The following CRYGN variants were observed in gnomAD, a reference collection of about 807,000 sequenced individuals.
The protein encoded by CRYGN is crystallin gamma N.
CRYGN carries 17 observed loss-of-function variants against 19.2 expected under a neutral mutation model. The ratio of observed to expected loss-of-function variants is 0.89; its 90% CI spans 0.61 to 1.33. The LOEUF is 1.33. CRYGN is among the 40% of genes most tolerant of loss of function. The pLI is 0.00. For synonymous variants in CRYGN, 84 were observed against 85.8 expected (o/e 0.98, Z 0.12); for missense variants, 239 against 239.6 (o/e 1.00, Z 0.02).
In CRYGN at chr7:151,432,183, C is replaced by T; in HGVS notation, c.417-2003G>A. ...AGTTGACCACCTTGTGGAGCGACTG[C>T]ACTCGTGCGCTGTGGGCCTCCCAGT... On this transcript the variant is annotated intron_variant, in intron 3 of 3. Coordinates refer to ENST00000337323, the MANE Select transcript of CRYGN (RefSeq NM_144727.3). 6.5e-6 allele frequency: 8 copies of T among 1,231,882 alleles called. No homozygotes were observed. In the South Asian group the frequency reaches 2.1e-4, roughly 32 times the overall value. 76.3% of individuals were successfully genotyped at this position (1,231,882 alleles called of 1,614,324 possible).
chr7:151,432,331 C>G, intron 3 of CRYGN: 1 of 1,093,558 alleles, frequency 9.1e-7, no homozygotes, highest in East Asian at 3.2e-5. Flanking sequence ...GGAAGTCCCC[C>G]GGGACTCCGG....
At chr7:151,437,789 C>G (rs1801653538) in intron 2 of CRYGN, 2 of 1,430,248 alleles carry the variant, frequency 1.4e-6, no homozygotes, top group African/African-American at 2.9e-5. Context: ...TATGAAAACT[C>G]AGGGCCACTC....
At position 151,436,290 on chromosome 7, in the gene CRYGN, A is replaced by G. The variant is rs1251008630; in HGVS notation, c.306T>C (p.Gly102=). Residue 102 remains glycine, a synonymous_variant, in exon 3 of 4, where the codon GGT becomes GGC. Transcript: ENST00000337323. This position sits in a 1 kb window ranked among gnomAD's most constrained non-coding sequence, Gnocchi z 5.1. The part of the protein sequence containing the change: ...GEHFRLEIFE[G]CNFTGQCLEF... ...CCAGGCACTGGCCCGTGAAGTTGCA[A>G]CCCTCGAAGATTTCTAGGCGGAAAT... The G allele has an allele frequency of 1.9e-6, 3 of 1,592,300 alleles. No homozygotes were observed. Among genetic ancestry groups the G allele is most frequent in the Non-Finnish European group, 2.6e-6 (3 of 1,169,630 alleles).
intron 1 of CRYGN, among the ~76,000 whole-genome samples, 177 bp from the exon 2 acceptor site, chr7:151,438,421 C>T (rs1801677943): frequency 6.6e-6 from 1 of 152,194 alleles, no homozygotes; most frequent in Non-Finnish European, 1.5e-5. Flanking sequence ...AAAGAACGAA[C>T]AGCTGGCAGG....
At position 151,433,963 on chromosome 7, in the gene CRYGN, A is replaced by T. The variant is rs1381647093; in HGVS notation, c.416+2217T>A. 2.0e-5 allele frequency among the ~76,000 whole-genome samples: 3 copies of T among 151,660 alleles called. No homozygotes were observed. Among genetic ancestry groups the T allele is most frequent in the Non-Finnish European group, 4.4e-5 (3 of 67,894 alleles). On this transcript the variant is annotated intron_variant, in intron 3 of 3. Transcript: ENST00000337323. This position sits in a 1 kb window ranked among gnomAD's most constrained non-coding sequence, Gnocchi z 5.1. ...GAGAGCCCACCAGGACACGGGTCTG[A>T]GGGGATGGGTCATGCCTGGGCTGAT...
chr7:151,438,076 A>T lies in CRYGN; in HGVS notation c.190T>A (p.Leu64Met). The T allele has an allele frequency of 1.2e-6, 2 of 1,614,150 alleles. No homozygotes were observed. The highest frequency in any genetic ancestry group is 8.5e-7 in the Non-Finnish European group (1 of 1,180,022). ...HPDFRGQQFI[L>M]EHGDYPDFFR... The stretch of plus-strand genomic sequence containing the variant: ...AAGTCGGGGTAGTCGCCGTGCTCCA[A>T]GATGAACTGCTGGCCCCGGAAGTCG... The change falls in exon 2 of 4, where the codon TTG becomes ATG. Residue 64 changes from leucine to methionine, a missense_variant. Coordinates refer to ENST00000337323, the MANE Select transcript of CRYGN (RefSeq NM_144727.3).
In CRYGN at chr7:151,436,223, C is replaced by T. The variant is rs764293206; in HGVS notation, c.373G>A (p.Val125Ile). The T allele has an allele frequency of 6.3e-7, 1 of 1,593,798 alleles. No homozygotes were observed. The highest frequency in any genetic ancestry group is 8.6e-7 in the Non-Finnish European group (1 of 1,169,556). Reference sequence around the variant, plus strand: ...TTGATGGTGTTCACACAGTTCTTGACCCAGCCCCTGCTCTGGAGGAAGGGG... The same window carrying T: ...TTGATGGTGTTCACACAGTTCTTGATCCAGCCCCTGCTCTGGAGGAAGGGG... ...DSPFLQSRGW[V>I]KNCVNTIKVY... Residue 125 changes from valine (V) to isoleucine (I), a missense_variant, in exon 3 of 4, where the codon GTC becomes ATC. Physicochemically the swap from Val to Ile is conservative, Grantham distance 29. Transcript: ENST00000337323. This position sits in a 1 kb window ranked among gnomAD's most constrained non-coding sequence, Gnocchi z 5.1.
In CRYGN at chr7:151,430,010, ACGGTGCAGGTGCATTTACATG is replaced by A; in HGVS notation, c.*17_*37del. 1.2e-6 allele frequency: 1 copy of A among 817,786 alleles called. No homozygotes were observed. Among genetic ancestry groups the A allele is most frequent in the Admixed American group, 1.7e-5 (1 of 58,826 alleles). 50.7% of individuals were successfully genotyped at this position (817,786 alleles called of 1,614,324 possible). A position where few individuals can be genotyped will look rare whatever the true frequency, so the allele number is the denominator to read the frequency against. On this transcript the variant is annotated 3_prime_UTR_variant, in exon 4 of 4. Coordinates refer to ENST00000337323, the MANE Select transcript of CRYGN (RefSeq NM_144727.3). This position sits in a 1 kb window ranked among gnomAD's most constrained non-coding sequence, Gnocchi z 5.2. Reference sequence around the variant, plus strand: ...AAGTAAACACTCTCCCGGCTCAGAAACGGTGCAGGTGCATTTACATGTCAATCGGTTCCAGGCTCAGAGGTT... The same window carrying A: ...AAGTAAACACTCTCCCGGCTCAGAAATCAATCGGTTCCAGGCTCAGAGGTT...
In CRYGN at chr7:151,431,167, C is replaced by A. The variant is rs1032264544; in HGVS notation, c.417-987G>T. On this transcript the variant is annotated intron_variant, in intron 3 of 3. Transcript: ENST00000337323. The surrounding 1 kb of genome is among the most constrained non-coding windows in gnomAD (Gnocchi z 4.8). The stretch of plus-strand genomic sequence containing the variant: ...CAGGACTCTGCTGGAGGGCTGCCGG[C>A]AGCAGGGAGTTACCTGGGCCACCCC... 6.6e-6 allele frequency among the ~76,000 whole-genome samples: 1 copy of A among 152,182 alleles called. No homozygotes were observed.
chr7:151,438,186 C>G lies in CRYGN; in HGVS notation c.80G>C (p.Cys27Ser), dbSNP rs533978532. The G allele has an allele frequency of 8.7e-6, 14 of 1,614,032 alleles. No homozygotes were observed. Among genetic ancestry groups the G allele is most frequent in the African/African-American group, 4.0e-5 (3 of 74,938 alleles). ...AAAGCCCCGGTCCTGGAAGTTGTCA[C>G]AGTCCCCGAAGACCTCCAGCTTCTG... ...TGQKLEVFGD[C>S]DNFQDRGFMN... The change falls in exon 2 of 4, where the codon TGT (cysteine) becomes TCT (serine). Residue 27 changes from cysteine (C) to serine (S), a missense_variant. Cys to Ser is a moderately radical substitution (Grantham distance 112). Coordinates refer to ENST00000337323, the MANE Select transcript of CRYGN (RefSeq NM_144727.3).
At position 151,430,947 on chromosome 7, in the gene CRYGN, C is replaced by A. The variant is rs987531557; in HGVS notation, c.417-767G>T. Among the ~76,000 whole-genome samples, 1 of 152,322 alleles carries A rather than the reference C, an allele frequency of 6.6e-6. No individual in the cohort carries two copies. Among genetic ancestry groups the A allele is most frequent in the South Asian group, 2.1e-4 (1 of 4,834 alleles). On this transcript the variant is annotated intron_variant, in intron 3 of 3. Coordinates refer to ENST00000337323, the MANE Select transcript of CRYGN (RefSeq NM_144727.3). This position sits in a 1 kb window ranked among gnomAD's most constrained non-coding sequence, Gnocchi z 5.2. ...GATCCAACCCATGCACCTGGCCCCC[C>A]ACTGATCCCTCATCCAGCCAGGCCT...
Position 151,430,780 on chromosome 7 carries a change from G to A in CRYGN, c.417-600C>T, listed in dbSNP as rs1801445595. On this transcript the variant is annotated intron_variant, in intron 3 of 3. Transcript: ENST00000337323. This position sits in a 1 kb window ranked among gnomAD's most constrained non-coding sequence, Gnocchi z 5.2. ...CCCTCCATCTACTCAGAAAACTGGA[G>A]TAAGATGTATGGTGAGGAGGACCCG... 6.6e-6 allele frequency among the ~76,000 whole-genome samples: 1 copy of A among 152,222 alleles called. No homozygotes were observed. The highest frequency in any genetic ancestry group is 1.5e-5 in the Non-Finnish European group (1 of 68,038).
chr7:151,440,010 C>A lies in CRYGN; in HGVS notation c.-93G>T. 1 of 1,416,280 alleles carries A rather than the reference C, an allele frequency of 7.1e-7. No homozygotes were observed. Among genetic ancestry groups the A allele is most frequent in the Non-Finnish European group, 9.2e-7 (1 of 1,081,940 alleles). The allele number at this position is 1,416,280 out of a possible 1,614,324, so 87.7% of individuals were successfully genotyped here. On this transcript the variant is annotated 5_prime_UTR_variant, in exon 1 of 4. Transcript: ENST00000337323. The stretch of plus-strand genomic sequence containing the variant: ...CCGGACAAAAGATTTGCTGGGCCGG[C>A]CCCGGAGCGTTAGTGCTGTCGGGCG...
At chr7:151,434,902 T>C (rs111867428) in intron 3 of CRYGN, among the ~76,000 whole-genome samples, 136 of 152,368 alleles carry the variant, frequency 8.9e-4, no homozygotes, top group African/African-American at 3.1e-3. Context: ...GAGGACTTAC[T>C]GGACTCGAAA....
In CRYGN at chr7:151,436,666, C is replaced by T. The variant is rs1334232883; in HGVS notation, c.271-341G>A. ...CACGGGGCTCCCTCTGGGTGCTCAG[C>T]GTGGGGGACTCCGGCCCTGATCACA... On this transcript the variant is annotated intron_variant, in intron 2 of 3. Transcript: ENST00000337323. The surrounding 1 kb of genome is among the most constrained non-coding windows in gnomAD (Gnocchi z 5.1). 6.6e-6 allele frequency among the ~76,000 whole-genome samples: 1 copy of T among 152,166 alleles called. No individual in the cohort carries two copies. The highest frequency in any genetic ancestry group is 1.5e-5 in the Non-Finnish European group (1 of 68,032).
chr7:151,430,298 G>A lies in CRYGN; in HGVS notation c.417-118C>T. The A allele has an allele frequency of 1.0e-6, 1 of 991,668 alleles. No individual in the cohort carries two copies. The highest frequency in any genetic ancestry group is 1.5e-6 in the Non-Finnish European group (1 of 670,068). The allele number at this position is 991,668 out of a possible 1,614,324, so 61.4% of individuals were successfully genotyped here. A position where few individuals can be genotyped will look rare whatever the true frequency, so the allele number is the denominator to read the frequency against. The stretch of plus-strand genomic sequence containing the variant: ...CCCCTTCCCCTTTCCTGGGCGGAGT[G>A]GACGGTTGCCTAGTGGTTTCATGTC... On this transcript the variant is annotated intron_variant, in intron 3 of 3. Coordinates refer to ENST00000337323, the MANE Select transcript of CRYGN (RefSeq NM_144727.3). This position sits in a 1 kb window ranked among gnomAD's most constrained non-coding sequence, Gnocchi z 5.2.
At chr7:151,440,230 G>C, upstream of CRYGN, 1 of 602,424 alleles carries the variant, frequency 1.7e-6, no homozygotes, top group African/African-American at 1.9e-5. Flanking sequence ...GAGGAGGGGA[G>C]GTGTCTCTCT....
intron 3 of CRYGN, chr7:151,432,242 C>A (rs764500939): frequency 1.6e-6 from 2 of 1,232,104 alleles, no homozygotes; most frequent in Non-Finnish European, 2.0e-6. Context: ...CTCTCCACCA[C>A]GTACATGCGG....
Position 151,430,937 on chromosome 7 carries a change from C to T in CRYGN, c.417-757G>A, listed in dbSNP as rs867970023. Among the ~76,000 whole-genome samples, 2 of 152,192 alleles carry T rather than the reference C, an allele frequency of 1.3e-5. No homozygotes were observed. Among genetic ancestry groups the T allele is most frequent in the Admixed American group, 6.5e-5 (1 of 15,288 alleles). On this transcript the variant is annotated intron_variant, in intron 3 of 3. Transcript: ENST00000337323. The surrounding 1 kb of genome is among the most constrained non-coding windows in gnomAD (Gnocchi z 5.2). ...GCACACGGGTGATCCAACCCATGCA[C>T]CTGGCCCCCCACTGATCCCTCATCC...
Sources: allele counts gnomAD v4.1 joint callset (sites outside exome capture counted in the v4.1 genomes callset), GRCh38; gene constraint gnomAD v4.1.1; non-coding constraint Gnocchi (gnomAD v3.1); transcripts MANE v1.5; gene names NCBI Gene and HGNC (gene_info 2026-07-23, HGNC 2026-07-21).